ATG2B: variants seen among roughly 807,000 people sequenced by gnomAD.
ATG2B encodes the protein autophagy related 2B, also known as autophagy-related protein 2 homolog B.
In ATG2B, 121 loss-of-function variants were observed where a neutral mutation model predicts 241.3. The ratio of observed to expected loss-of-function variants is 0.50; its 90% CI spans 0.43 to 0.58. ATG2B has a LOEUF of 0.58. Ranked by LOEUF, ATG2B falls within the 20% of genes least tolerant of loss-of-function variation. The pLI, the probability that ATG2B is intolerant of heterozygous loss-of-function variation, is 0.00. For synonymous variants in ATG2B, 858 were observed against 876.6 expected (o/e 0.98, Z 0.37); for missense variants, 2,306 against 2,491.6 (o/e 0.93, Z 1.59).
chr14:96,319,949 T>C (rs1156805505), intron 18 of ATG2B, among the ~76,000 whole-genome samples: 1 of 152,024 alleles, frequency 6.6e-6, no homozygotes, highest in Non-Finnish European at 1.5e-5. Context: ...TCCCAGAAAG[T>C]GAGGGAGCGC....
chr14:96,282,151 T>C lies in ATG2B; in HGVS notation c.*3604A>G, dbSNP rs985376498. 1.3e-5 allele frequency: 2 copies of C among 152,240 alleles called. No individual in the cohort carries two copies. Among genetic ancestry groups the C allele is most frequent in the South Asian group, 2.1e-4 (1 of 4,832 alleles). The allele number at this position is 152,240 out of a possible 1,614,324, so 9.4% of individuals were successfully genotyped here. On this transcript the variant is annotated 3_prime_UTR_variant, in exon 42 of 42. Coordinates refer to ENST00000359933, the MANE Select transcript of ATG2B (RefSeq NM_018036.7). ...TTCCAGTAAACAAGATTTCCTGCAATGAAAAAGAAATTTTTCCTTCATTAT... is the reference window on the plus strand; with the variant it reads ...TTCCAGTAAACAAGATTTCCTGCAACGAAAAAGAAATTTTTCCTTCATTAT...
In ATG2B at chr14:96,323,749, T is replaced by C. The variant is rs957899325; in HGVS notation, c.2540+147A>G. 25 of 661,352 alleles carry C rather than the reference T, an allele frequency of 3.8e-5. No individual in the cohort carries two copies. The African/African-American group carries it at 4.4e-4, about 12-fold the overall frequency. The allele number at this position is 661,352 out of a possible 1,614,324, so 41.0% of individuals were successfully genotyped here. ...GGGTGACACATCTCACACATTCATG[T>C]GAACACCCAATCATCACGCTTATGA... is the stretch of plus-strand genomic sequence containing the variant. On this transcript the variant is annotated intron_variant, in intron 16 of 41. Coordinates refer to ENST00000359933, the MANE Select transcript of ATG2B (RefSeq NM_018036.7).
At chr14:96,312,292 A>G in intron 25 of ATG2B, 133 bp from the exon 26 acceptor site, 1 of 635,934 alleles carries the variant, frequency 1.6e-6, no homozygotes, top group Non-Finnish European at 2.7e-6. Flanking sequence ...TTTCTAACTT[A>G]TAACTGTCAT....
At chr14:96,351,218 A>G (rs1028244291) in intron 1 of ATG2B, among the ~76,000 whole-genome samples, 3 of 152,244 alleles carry the variant, frequency 2.0e-5, no homozygotes, top group Admixed American at 1.3e-4. Context: ...AATTCCAGCT[A>G]TAAGTATATT....
In ATG2B at chr14:96,291,592, T is replaced by G. The variant is rs1434668830; in HGVS notation, c.5579+8A>C. On this transcript the variant is annotated splice_region_variant and intron_variant, in intron 38 of 41. Transcript: ENST00000359933. ...TCACTTAAAGCTTCATATAATAAAT[T>G]CACTTACCCATGTCGATAGGAAAGC... The G allele has an allele frequency of 6.3e-7, 1 of 1,585,366 alleles. No individual in the cohort carries two copies. Among genetic ancestry groups the G allele is most frequent in the South Asian group, 1.1e-5 (1 of 86,994 alleles).
In ATG2B at chr14:96,306,818, T is replaced by C; in HGVS notation, c.4402A>G (p.Thr1468Ala). Residue 1468 changes from threonine (T) to alanine (A), a missense_variant, in exon 30 of 42, where the codon ACC (threonine) becomes GCC (alanine). Transcript: ENST00000359933. ...SGNVSQESGP[T>A]YASFSHHFIS... ...AAATGGTGAGAGAATGAGGCATAGGTGGGGCCGGACTCCTGGGATACATTC... is the reference window on the plus strand; with the variant it reads ...AAATGGTGAGAGAATGAGGCATAGGCGGGGCCGGACTCCTGGGATACATTC... The C allele has an allele frequency of 6.2e-7, 1 of 1,613,996 alleles. No homozygotes were observed. Among genetic ancestry groups the C allele is most frequent in the Non-Finnish European group, 8.5e-7 (1 of 1,180,000 alleles).
chr14:96,360,269 A>G (rs763564939), intron 1 of ATG2B, among the ~76,000 whole-genome samples: 1 of 152,248 alleles, frequency 6.6e-6, no homozygotes, highest in Non-Finnish European at 1.5e-5. Flanking sequence ...TACCTAGCAG[A>G]TATTTTCCAA....
chr14:96,289,864 C>T lies in ATG2B; in HGVS notation c.5857-59G>A, dbSNP rs991221908. ...AGAAGAAAGTCTGAAGAGTTACGGA[C>T]CAGCAGAGCACTTCCTACAGGGAGT... On this transcript the variant is annotated intron_variant, in intron 40 of 41. Transcript: ENST00000359933. The surrounding 1 kb of genome is among the most constrained non-coding windows in gnomAD (Gnocchi z 4.3). 1.3e-6 allele frequency: 2 copies of T among 1,575,208 alleles called. No individual in the cohort carries two copies. Among genetic ancestry groups the T allele is most frequent in the Admixed American group, 1.7e-5 (1 of 58,914 alleles).
In ATG2B at chr14:96,295,182, T is replaced by C. The variant is rs1382382249; in HGVS notation, c.5219-15A>G. On this transcript the variant is annotated splice_polypyrimidine_tract_variant and intron_variant, in intron 35 of 41. Coordinates refer to ENST00000359933, the MANE Select transcript of ATG2B (RefSeq NM_018036.7). ...AGACTTTTTAACTGAAAATGTAATG[T>C]GCATGTTTGAAAAATTAGATATGCT... The C allele has an allele frequency of 8.1e-6, 13 of 1,600,226 alleles. No individual in the cohort carries two copies. Among genetic ancestry groups the C allele is most frequent in the East Asian group, 2.2e-5 (1 of 44,730 alleles).
intron 33 of ATG2B, 21 bp downstream of exon 33, chr14:96,303,040 A>G (rs1308339856): frequency 6.9e-7 from 1 of 1,457,702 alleles, no homozygotes; most frequent in Non-Finnish European, 9.1e-7. Context: ...AACATAACAC[A>G]ACGATGAGGT....
intron 17 of ATG2B, 94 bp from the exon 18 acceptor site, chr14:96,322,348 G>A: frequency 7.0e-7 from 1 of 1,423,060 alleles, no homozygotes; most frequent in Non-Finnish European, 9.5e-7. Flanking sequence ...TGGTATGTGA[G>A]AAATAAATAA....
intron 13 of ATG2B, 56 bp downstream of exon 13, chr14:96,328,618 A>G: frequency 6.4e-7 from 1 of 1,552,332 alleles, no homozygotes; most frequent in South Asian, 1.2e-5. Context: ...TAATTGTGAC[A>G]AAATATATAT....
chr14:96,291,524 A>C, intron 38 of ATG2B, 76 bp downstream of exon 38: 13 of 1,123,962 alleles, frequency 1.2e-5, no homozygotes, highest in Non-Finnish European at 1.7e-5. Context: ...GCATGCTAAG[A>C]AAACTCAGTT....
At chr14:96,324,994 C>G (rs146441376) in intron 15 of ATG2B, among the ~76,000 whole-genome samples, 3 of 152,246 alleles carry the variant, frequency 2.0e-5, no homozygotes, top group African/African-American at 7.2e-5. Flanking sequence ...TCTTCATAGA[C>G]TTGGTTCACT....
At chr14:96,320,517 G>A (rs1887431921) in intron 18 of ATG2B, among the ~76,000 whole-genome samples, 1 of 151,788 alleles carries the variant, frequency 6.6e-6, no homozygotes, top group African/African-American at 2.4e-5. Context: ...GATGCCACAT[G>A]CAGGATTAAA....
chr14:96,327,651 C>T (rs1206996117), intron 14 of ATG2B, among the ~76,000 whole-genome samples: 2 of 152,048 alleles, frequency 1.3e-5, no homozygotes, highest in African/African-American at 4.8e-5. Context: ...AACCTAATTC[C>T]ACTGTAATAT....
intron 34 of ATG2B, among the ~76,000 whole-genome samples, chr14:96,298,871 TAAA>T (rs1886716371): frequency 6.6e-6 from 1 of 152,316 alleles, no homozygotes; most frequent in East Asian, 1.9e-4. Context: ...ATTGAACACT[TAAA>T]AGCTGTGCAT....
rs758414749 is a variant in ATG2B at position 96,333,755 on chromosome 14, G to A, written c.1140C>T (p.Leu380=). 1 of 1,613,976 alleles carries A rather than the reference G, an allele frequency of 6.2e-7. No individual in the cohort carries two copies. The highest frequency in any genetic ancestry group is 1.1e-5 in the South Asian group (1 of 91,070). The change falls in exon 8 of 42, where the codon CTC becomes CTT. Residue 380 remains leucine (L), a synonymous_variant. Transcript: ENST00000359933. Reference sequence around the variant, plus strand: ...TTTGCTCTGAAGATACACCCACAGAGAGGGAATCTTTTCTCAAATAATACC... The same window carrying A: ...TTTGCTCTGAAGATACACCCACAGAAAGGGAATCTTTTCTCAAATAATACC... ...LNRYYLRKDS[L]SVGVSSEQSF...
chr14:96,337,469 C>G (rs958160520), intron 6 of ATG2B, among the ~76,000 whole-genome samples: 3 of 152,020 alleles, frequency 2.0e-5, no homozygotes, highest in East Asian at 3.8e-4. Flanking sequence ...GAAGGAGAAC[C>G]CTCATATGCT....
Sources: allele counts gnomAD v4.1 joint callset (sites outside exome capture counted in the v4.1 genomes callset), GRCh38; gene constraint gnomAD v4.1.1; non-coding constraint Gnocchi (gnomAD v3.1); transcripts MANE v1.5; gene names NCBI Gene and HGNC (gene_info 2026-07-23, HGNC 2026-07-21).